SEMA4D: variants seen among roughly 807,000 people sequenced by gnomAD.
SEMA4D encodes semaphorin 4D.
In SEMA4D, 22 loss-of-function variants were observed where a neutral mutation model predicts 74.8. The observed-to-expected ratio is 0.29, with a 90% CI of 0.21 to 0.42. The LOEUF is 0.42. SEMA4D is among the 10% of genes least tolerant of loss of function. The pLI is 1.00. For missense variants in SEMA4D, 937 were observed against 1,118.4 expected (o/e 0.84, Z 2.31); for synonymous variants, 445 against 463.7 (o/e 0.96, Z 0.52).
intron 11 of SEMA4D, among the ~76,000 whole-genome samples, chr9:89,388,020 C>T (rs1838918792): frequency 6.6e-6 from 1 of 152,178 alleles, no homozygotes. Context: ...TGTTCTAGCT[C>T]CCTGATGTGT....
intron 2 of SEMA4D, among the ~76,000 whole-genome samples, chr9:89,416,309 C>T (rs1044196170): frequency 1.3e-5 from 2 of 152,190 alleles, no homozygotes; most frequent in Non-Finnish European, 2.9e-5. Context: ...CCTGCCATGA[C>T]GTGACAGTAA....
At chr9:89,360,869 A>G (rs1296260611) in exon 19 of SEMA4D, 1 of 152,250 alleles carries the variant, frequency 6.6e-6, no homozygotes, top group Non-Finnish European at 1.5e-5. Flanking sequence ...TCCATTTCCC[A>G]GTAGAACACT....
At chr9:89,487,599 T>A (rs1427970241) in intron 1 of SEMA4D, among the ~76,000 whole-genome samples, 1 of 152,158 alleles carries the variant, frequency 6.6e-6, no homozygotes, top group Non-Finnish European at 1.5e-5. Flanking sequence ...TTATTCATAA[T>A]CATCAGAATT....
chr9:89,378,625 T>A lies in SEMA4D; in HGVS notation c.*79A>T. Reference sequence around the variant, plus strand: ...TACGCAGCACTGCACGAGACTCGGATACTGAACAGGAGAAACACAAAACTC... The same window carrying A: ...TACGCAGCACTGCACGAGACTCGGAAACTGAACAGGAGAAACACAAAACTC... On this transcript the variant is annotated 3_prime_UTR_variant, in exon 16 of 16. Coordinates refer to ENST00000422704, the MANE Select transcript of SEMA4D (RefSeq NM_001371194.2). 1.8e-6 allele frequency: 2 copies of A among 1,101,484 alleles called. No homozygotes were observed. The highest frequency in any genetic ancestry group is 2.8e-5 in the South Asian group (2 of 70,984). The allele number at this position is 1,101,484 out of a possible 1,614,324, so 68.2% of individuals were successfully genotyped here. A position where few individuals can be genotyped will look rare whatever the true frequency, so the allele number is the denominator to read the frequency against.
intron 1 of SEMA4D, among the ~76,000 whole-genome samples, chr9:89,461,326 C>T (rs944431605): frequency 3.9e-5 from 6 of 152,116 alleles, no homozygotes; most frequent in East Asian, 3.8e-4. Context: ...AAATTGGGAC[C>T]GGTAATCCCA....
chr9:89,384,867 G>A (rs2132918708), intron 13 of SEMA4D: 1 of 985,382 alleles, frequency 1.0e-6, no homozygotes. Context: ...CCATGGAGCT[G>A]GGCCTTCCAC....
At position 89,492,896 on chromosome 9, in the gene SEMA4D, A is replaced by T. The variant is rs1825740228; in HGVS notation, c.-310+5023T>A. Among the ~76,000 whole-genome samples, 1 of 152,190 alleles carries T rather than the reference A, an allele frequency of 6.6e-6. No individual in the cohort carries two copies. The highest frequency in any genetic ancestry group is 1.5e-5 in the Non-Finnish European group (1 of 68,034). On this transcript the variant is annotated intron_variant, in intron 1 of 15. Transcript: ENST00000422704. The surrounding 1 kb of genome is among the most constrained non-coding windows in gnomAD (Gnocchi z 4.3). ...CCCTACATCTAGGGCTCAGCAAGGC[A>T]CAGGGGCCACCTGATTTTAAATCAC... is the stretch of plus-strand genomic sequence containing the variant.
intron 2 of SEMA4D, among the ~76,000 whole-genome samples, chr9:89,446,095 C>T (rs1341591024): frequency 6.6e-6 from 1 of 152,188 alleles, no homozygotes; most frequent in Non-Finnish European, 1.5e-5. Context: ...CACCCAGGAA[C>T]ACCCACACAG....
At chr9:89,430,165 C>A (rs1848952797) in intron 2 of SEMA4D, among the ~76,000 whole-genome samples, 1 of 152,078 alleles carries the variant, frequency 6.6e-6, no homozygotes, top group African/African-American at 2.4e-5. Context: ...AAGGGAATTA[C>A]TGGACGGTCA....
At chr9:89,470,443 T>TAC in intron 1 of SEMA4D, among the ~76,000 whole-genome samples, 1 of 152,278 alleles carries the variant, frequency 6.6e-6, no homozygotes, top group East Asian at 1.9e-4. Flanking sequence ...ACATTATATA[T>TAC]ACATTAGAAT....
intron 2 of SEMA4D, among the ~76,000 whole-genome samples, chr9:89,435,244 T>C (rs1850149066): frequency 6.6e-6 from 1 of 152,160 alleles, no homozygotes; most frequent in African/African-American, 2.4e-5. Context: ...AACATGCAAA[T>C]GATCATTAAC....
At chr9:89,450,660 G>GAAAAAAA (rs71358578) in intron 2 of SEMA4D, 9 of 430,424 alleles carry the variant, frequency 2.1e-5, no homozygotes, top group South Asian at 2.4e-5. Context: ...AAAAACCCAG[G>GAAAAAAA]AAAAAAAAAA....
Position 89,405,557 on chromosome 9 carries a change from G to C in SEMA4D, c.-101C>G, listed in dbSNP as rs1454447620. On this transcript the variant is annotated 5_prime_UTR_variant, in exon 3 of 16. Transcript: ENST00000422704. ...GATGCGGCTCAGCGCCCCAGGACCA[G>C]GGCCAGCAGCACAGCCTGGAGCTCG... 1 of 1,532,004 alleles carries C rather than the reference G, an allele frequency of 6.5e-7. No individual in the cohort carries two copies. The highest frequency in any genetic ancestry group is 8.7e-7 in the Non-Finnish European group (1 of 1,143,904). The allele number at this position is 1,532,004 out of a possible 1,614,324, so 94.9% of individuals were successfully genotyped here.
downstream of SEMA4D, chr9:89,376,371 AT>A (rs111835397): frequency 2.6e-3 from 374 of 146,416 alleles, no homozygotes; most frequent in East Asian, 4.2e-3. Context: ...GTCTCTTGAA[AT>A]TTTTTTTTTT....
intron 1 of SEMA4D, among the ~76,000 whole-genome samples, chr9:89,459,562 G>A (rs1293484645): frequency 6.6e-6 from 1 of 152,080 alleles, no homozygotes. Flanking sequence ...CATTCCTGAG[G>A]GTCTTATCCT....
chr9:89,393,145 A>G (rs1435495294), intron 7 of SEMA4D, among the ~76,000 whole-genome samples: 1 of 152,240 alleles, frequency 6.6e-6, no homozygotes, highest in Non-Finnish European at 1.5e-5. Context: ...TCATGGGGCA[A>G]TAAGTAAACA....
At chr9:89,428,448 A>AGG (rs1013733554) in intron 2 of SEMA4D, among the ~76,000 whole-genome samples, 18 of 152,368 alleles carry the variant, frequency 1.2e-4, no homozygotes, top group African/African-American at 4.3e-4. Flanking sequence ...GCGGCAGCAG[A>AGG]GGGGAGGCAC....
chr9:89,388,617 C>T lies in SEMA4D; in HGVS notation c.1107+19G>A, dbSNP rs759799440. 2 of 1,587,336 alleles carry T rather than the reference C, an allele frequency of 1.3e-6. No individual in the cohort carries two copies. Among genetic ancestry groups the T allele is most frequent in the Non-Finnish European group, 1.7e-6 (2 of 1,175,344 alleles). On this transcript the variant is annotated intron_variant, in intron 11 of 15. Transcript: ENST00000422704. ...GCCTTGAAGGGAAAGCACGGCCCGC[C>T]CCCAGTGCCCCAGCTCACCGCTCCA...
At position 89,418,163 on chromosome 9, in the gene SEMA4D, T is replaced by G. The variant is rs1376216611; in HGVS notation, c.-243-12464A>C. Reference sequence around the variant, plus strand: ...CAAGGCTATTTAAGCCCTTAAACTGTGCATCCACTTAAACTCAGCAACACT... The same window carrying G: ...CAAGGCTATTTAAGCCCTTAAACTGGGCATCCACTTAAACTCAGCAACACT... On this transcript the variant is annotated intron_variant, in intron 2 of 15. Coordinates refer to ENST00000422704, the MANE Select transcript of SEMA4D (RefSeq NM_001371194.2). 4.3e-6 allele frequency: 4 copies of G among 919,734 alleles called. No homozygotes were observed. The African/African-American group carries it at 7.1e-5, about 16-fold the overall frequency. 57.0% of individuals were successfully genotyped at this position (919,734 alleles called of 1,614,324 possible). A position where few individuals can be genotyped will look rare whatever the true frequency, so the allele number is the denominator to read the frequency against.
Sources: gnomAD v4.1 joint callset for allele counts (sites outside exome capture counted in the v4.1 genomes callset) on GRCh38, gnomAD v4.1.1 for gene constraint, Gnocchi (gnomAD v3.1) non-coding constraint, MANE v1.5 for transcripts, NCBI Gene and HGNC (gene_info 2026-07-23, HGNC 2026-07-21) for gene names.